The following CEP57L1 variants were observed in gnomAD, a reference collection of about 807,000 sequenced individuals.
CEP57L1 encodes centrosomal protein CEP57L1.
In CEP57L1, 37 loss-of-function variants were observed where a neutral mutation model predicts 61.0. The observed-to-expected ratio is 0.61, with a 90% CI of 0.47 to 0.80. The LOEUF is 0.80. CEP57L1 is among the 30% of genes least tolerant of loss of function. The pLI is 0.00. For missense variants in CEP57L1, 422 were observed against 524.7 expected, an observed-to-expected ratio of 0.80 and a Z score of 1.91; for synonymous variants, 137 against 162.3, an observed-to-expected ratio of 0.84 and a Z score of 1.19.
intron 1 of CEP57L1, among the ~76,000 whole-genome samples, chr6:109,116,166 T>G (rs1772275711): frequency 6.6e-6 from 1 of 151,650 alleles, no homozygotes; most frequent in African/African-American, 2.4e-5. Flanking sequence ...TATGTTATGT[T>G]ATGTTATGTT....
Position 109,162,744 on chromosome 6 carries a change from TCCAGG to T in CEP57L1, c.1162-4_1162del, listed in dbSNP as rs1182792690. On this transcript the variant is annotated splice_acceptor_variant and splice_polypyrimidine_tract_variant and coding_sequence_variant and intron_variant, in exon 11 of 11. Transcript: ENST00000517392. LOFTEE classifies it high-confidence loss of function. ...CTAAAATGTTAGATTTTTTTTTCTC[TCCAGG>T]TCTGTAAACTGCAGCAAAAAGTTCA... 6.2e-7 allele frequency: 1 copy of T among 1,601,844 alleles called. No individual in the cohort carries two copies. Among genetic ancestry groups the T allele is most frequent in the African/African-American group, 1.3e-5 (1 of 74,472 alleles).
intron 1 of CEP57L1, among the ~76,000 whole-genome samples, chr6:109,141,257 C>T (rs1011459438): frequency 2.6e-5 from 4 of 152,040 alleles, no homozygotes; most frequent in Non-Finnish European, 5.9e-5. Flanking sequence ...ACATTGTTGC[C>T]TGTGCTAGTG....
upstream of CEP57L1, chr6:109,095,172 C>T (rs953352258): frequency 1.5e-5 from 15 of 985,428 alleles, no homozygotes; most frequent in Non-Finnish European, 1.6e-5. Context: ...CAAGCGCCCC[C>T]GGAGGCGCTA....
At position 109,172,308 on chromosome 6, in the gene CEP57L1, A is replaced by G. The variant is rs1774441642; in HGVS notation, c.*9338A>G. ...TTTCTTGAGGGTTGGTCACGTAGGC[A>G]TAGCATGACTGATAGCCCATGTGGC... On this transcript the variant is annotated 3_prime_UTR_variant, in exon 11 of 11. Transcript: ENST00000517392. Among the ~76,000 whole-genome samples the G allele has an allele frequency of 6.6e-6, 1 of 152,224 alleles. No individual in the cohort carries two copies. Among genetic ancestry groups the G allele is most frequent in the Non-Finnish European group, 1.5e-5 (1 of 68,034 alleles).
chr6:109,099,691 A>G (rs1782142993), intron 1 of CEP57L1, among the ~76,000 whole-genome samples: 1 of 152,136 alleles, frequency 6.6e-6, no homozygotes, highest in South Asian at 2.1e-4. Flanking sequence ...CTGGGACTAC[A>G]GACACCCGCC....
chr6:109,128,702 A>T (rs541105567), intron 1 of CEP57L1, among the ~76,000 whole-genome samples: 1 of 152,196 alleles, frequency 6.6e-6, no homozygotes, highest in Non-Finnish European at 1.5e-5. Flanking sequence ...TTTACTGCCA[A>T]CATTTATTCA....
chr6:109,101,616 C>CTTTT (rs199499971), intron 1 of CEP57L1, among the ~76,000 whole-genome samples: 9 of 126,548 alleles, frequency 7.1e-5, no homozygotes, highest in African/African-American at 2.5e-4. Flanking sequence ...TTTTCTTTTT[C>CTTTT]TTTTTTCTTT....
At chr6:109,100,541 G>C (rs1782252104) in intron 1 of CEP57L1, among the ~76,000 whole-genome samples, 1 of 151,788 alleles carries the variant, frequency 6.6e-6, no homozygotes, top group East Asian at 1.9e-4. Flanking sequence ...CAGGCGTGGT[G>C]GTGGGCGCCT....
chr6:109,125,575 A>G (rs1773468323), intron 1 of CEP57L1, among the ~76,000 whole-genome samples: 1 of 149,374 alleles, frequency 6.7e-6, no homozygotes, highest in African/African-American at 2.5e-5. Flanking sequence ...TAAGTTTACC[A>G]TCAACCATTC....
chr6:109,142,786 G>A (rs74448917), intron 1 of CEP57L1, among the ~76,000 whole-genome samples: 20,696 of 151,918 alleles, frequency 0.14, 1,668 homozygotes, highest in African/African-American at 0.22. Context: ...CAGAAATACC[G>A]GAATCCTAGA....
chr6:109,152,023 A>G (rs1429334508), intron 4 of CEP57L1, among the ~76,000 whole-genome samples: 1 of 151,960 alleles, frequency 6.6e-6, no homozygotes, highest in East Asian at 1.9e-4. Flanking sequence ...TTTTCATTAA[A>G]TTGGAACATT....
intron 1 of CEP57L1, among the ~76,000 whole-genome samples, chr6:109,118,804 G>A (rs576127185): frequency 9.2e-5 from 14 of 152,134 alleles, no homozygotes; most frequent in African/African-American, 3.1e-4. Context: ...CTGACTTTTC[G>A]GTAGGTTTTG....
chr6:109,125,116 G>A (rs1431015012), intron 1 of CEP57L1: 5 of 152,186 alleles, frequency 3.3e-5, no homozygotes, highest in African/African-American at 1.2e-4. Flanking sequence ...TCCAGTGAAG[G>A]GGTAAACAAT....
intron 1 of CEP57L1, among the ~76,000 whole-genome samples, chr6:109,100,980 G>A (rs1259595590): frequency 2.0e-5 from 3 of 151,974 alleles, no homozygotes; most frequent in East Asian, 3.9e-4. Flanking sequence ...CATGGCACAC[G>A]CCTCTAGTCC....
intron 1 of CEP57L1, among the ~76,000 whole-genome samples, chr6:109,126,114 T>C (rs993141587): frequency 3.3e-5 from 5 of 152,204 alleles, no homozygotes; most frequent in Non-Finnish European, 5.9e-5. Flanking sequence ...CAAATATTTT[T>C]TGGATTAGGC....
chr6:109,141,934 CCTTT>C (rs774265960), intron 1 of CEP57L1, among the ~76,000 whole-genome samples: 228 of 152,264 alleles, frequency 1.5e-3, no homozygotes, highest in Middle Eastern at 3.4e-3. Flanking sequence ...AACAGAGATT[CCTTT>C]ATTTCAAAAG....
chr6:109,155,669 ATTTTC>A (rs545220252), intron 6 of CEP57L1, 117 bp from the exon 7 acceptor site: 59 of 620,610 alleles, frequency 9.5e-5, no homozygotes, highest in Admixed American at 3.8e-4. Flanking sequence ...GGTATCTTGG[ATTTTC>A]TTTTCTTTTC....
chr6:109,114,783 G>A (rs1485980155), intron 1 of CEP57L1, among the ~76,000 whole-genome samples: 1 of 152,034 alleles, frequency 6.6e-6, no homozygotes, highest in Non-Finnish European at 1.5e-5. Context: ...ATAAGTTTTG[G>A]TGTTCTGTTA....
At chr6:109,108,519 T>C (rs1337193967) in intron 1 of CEP57L1, among the ~76,000 whole-genome samples, 2 of 151,984 alleles carry the variant, frequency 1.3e-5, no homozygotes, top group Admixed American at 1.3e-4. Flanking sequence ...CCAGCCCCAT[T>C]TTTCTTATTT....
Sources: allele counts gnomAD v4.1 joint callset (sites outside exome capture counted in the v4.1 genomes callset), GRCh38; gene constraint gnomAD v4.1.1; transcripts MANE v1.5; gene names NCBI Gene and HGNC (gene_info 2026-07-23, HGNC 2026-07-21).